SYTL3: variants seen among roughly 807,000 people sequenced by gnomAD.
SYTL3 encodes the protein synaptotagmin like 3.
In SYTL3, 88 loss-of-function variants were observed where a neutral mutation model predicts 82.1. The ratio of observed to expected loss-of-function variants is 1.07; its 90% CI spans 0.90 to 1.28. The LOEUF (loss-of-function observed/expected upper bound fraction) is 1.28. SYTL3 is among the 50% of genes most tolerant of loss of function. SYTL3 has a pLI of 0.00. For synonymous variants in SYTL3, 311 were observed against 289.4 expected (o/e 1.07, Z -0.76); for missense variants, 831 against 757.6 (o/e 1.10, Z -1.14).
chr6:158,699,567 A>G (rs1780937710), intron 6 of SYTL3, among the ~76,000 whole-genome samples: 2 of 152,032 alleles, frequency 1.3e-5, no homozygotes, highest in Non-Finnish European at 2.9e-5. Context: ...GCCTCAATCT[A>G]TAGTTTGTGT....
upstream of SYTL3, among the ~76,000 whole-genome samples, chr6:158,646,874 T>C (rs1787509918): frequency 2.6e-5 from 4 of 152,176 alleles, no homozygotes; most frequent in Admixed American, 2.6e-4. Flanking sequence ...TTTTGGATGT[T>C]CTCTGCCTAC....
chr6:158,697,582 A>T (rs1180140430), intron 6 of SYTL3, among the ~76,000 whole-genome samples: 1 of 152,228 alleles, frequency 6.6e-6, no homozygotes, highest in African/African-American at 2.4e-5. Context: ...GCATCAAAGG[A>T]CACTATTAAC....
chr6:158,718,109 TA>T lies in SYTL3; in HGVS notation c.619del (p.Met207Ter), dbSNP rs1187960723. 6.5e-7 allele frequency: 1 copy of T among 1,544,302 alleles called. No homozygotes were observed. Among genetic ancestry groups the T allele is most frequent in the Non-Finnish European group, 8.7e-7 (1 of 1,144,210 alleles). On this transcript the variant is annotated frameshift_variant, in exon 10 of 18. Transcript: ENST00000611299. LOFTEE classifies it high-confidence loss of function. ...TAGAGCTCTCCAAATCCCAGAATGA[TA>T]TGACTTCTGAGAAGCATCTTCTCGC... The part of the protein sequence containing the change: ...VKKLSKSQND[M>X]TSEKHLLATG...
At position 158,690,152 on chromosome 6, in the gene SYTL3, C is replaced by T. The variant is rs1380174580; in HGVS notation, c.394+7163C>T. ...CTGTCTCATAGAGGACACACGGTGCCCTCTCCTTCACCTGCAACTCTTGGC... is the reference window on the plus strand; with the variant it reads ...CTGTCTCATAGAGGACACACGGTGCTCTCTCCTTCACCTGCAACTCTTGGC... On this transcript the variant is annotated intron_variant, in intron 6 of 17. Transcript: ENST00000611299. 5.9e-5 allele frequency among the ~76,000 whole-genome samples: 9 copies of T among 152,348 alleles called. 2 individuals are homozygous for T. Among genetic ancestry groups the T allele is most frequent in the Admixed American group, 5.2e-4 (8 of 15,300 alleles).
intron 12 of SYTL3, among the ~76,000 whole-genome samples, chr6:158,746,527 G>A (rs1411802496): frequency 3.3e-5 from 5 of 149,532 alleles, no homozygotes; most frequent in East Asian, 1.9e-4. Flanking sequence ...GTGCGGTGGC[G>A]CAATCTCGGC....
At chr6:158,718,677 A>G (rs1203073814) in intron 10 of SYTL3, among the ~76,000 whole-genome samples, 5 of 152,376 alleles carry the variant, frequency 3.3e-5, no homozygotes, top group East Asian at 1.9e-4. Context: ...CCACACCACA[A>G]GTGAGAGCTC....
chr6:158,742,912 G>T (rs17513241), intron 11 of SYTL3, among the ~76,000 whole-genome samples: 7 of 151,828 alleles, frequency 4.6e-5, no homozygotes, highest in African/African-American at 7.3e-5. Flanking sequence ...TAAGCTTCTC[G>T]GCCCCTCAGC....
intron 11 of SYTL3, 59 bp downstream of exon 11, chr6:158,725,696 A>G (rs1370394275): frequency 2.5e-6 from 4 of 1,588,072 alleles, no homozygotes; most frequent in Non-Finnish European, 3.4e-6. Context: ...TTTGGAAAGC[A>G]TAATGTACAA....
At chr6:158,756,718 AATTTTTTTT>A (rs1789136643) in intron 13 of SYTL3, among the ~76,000 whole-genome samples, 1 of 47,396 alleles carries the variant, frequency 2.1e-5, no homozygotes, top group Admixed American at 4.2e-4. Context: ...CTCAAAAAAA[AATTTTTTTT>A]TTTTTTTTTT....
chr6:158,701,021 G>A (rs557344289), intron 6 of SYTL3, among the ~76,000 whole-genome samples: 3 of 152,366 alleles, frequency 2.0e-5, no homozygotes, highest in African/African-American at 7.2e-5. Context: ...GGGAGAGACA[G>A]ATGCATATTG....
intron 12 of SYTL3, among the ~76,000 whole-genome samples, chr6:158,746,022 G>T (rs1787596354): frequency 3.3e-5 from 5 of 152,152 alleles, no homozygotes; most frequent in Admixed American, 3.3e-4. Context: ...GAAGCTCAAG[G>T]TGCTGGTAGA....
intron 6 of SYTL3, among the ~76,000 whole-genome samples, chr6:158,706,704 T>C (rs1782140906): frequency 6.6e-6 from 1 of 152,198 alleles, no homozygotes; most frequent in Non-Finnish European, 1.5e-5. Context: ...AAACCTCTTT[T>C]CTTGAAACAA....
chr6:158,675,892 A>G lies in SYTL3; in HGVS notation c.330-7033A>G, dbSNP rs142234204. Among the ~76,000 whole-genome samples the G allele has an allele frequency of 5.2e-3, 795 of 152,212 alleles. 11 individuals are homozygous for G. Among genetic ancestry groups the G allele is most frequent in the African/African-American group, 0.018 (745 of 41,522 alleles). On this transcript the variant is annotated intron_variant, in intron 5 of 17. Transcript: ENST00000611299. ...GTGAACCCGGGAGGCGGAGCTTGCA[A>G]TGAGCCAAGATGGCACCACTGCACC... is the stretch of plus-strand genomic sequence containing the variant.
chr6:158,720,264 C>A (rs1454930644), intron 10 of SYTL3, among the ~76,000 whole-genome samples: 1 of 151,856 alleles, frequency 6.6e-6, no homozygotes, highest in Admixed American at 6.6e-5. Context: ...TAGCCAGGCT[C>A]ATGGCGGGTG....
chr6:158,667,096 T>G (rs1418089219), intron 5 of SYTL3, among the ~76,000 whole-genome samples: 1 of 152,238 alleles, frequency 6.6e-6, no homozygotes, highest in Non-Finnish European at 1.5e-5. Context: ...ACCATATATA[T>G]TTGAAGTCTA....
chr6:158,727,708 A>C (rs1298350033), intron 11 of SYTL3, among the ~76,000 whole-genome samples: 2 of 24,110 alleles, frequency 8.3e-5, no homozygotes. Flanking sequence ...TTTTGAGATG[A>C]AGTCTCCCTC....
rs556606396 is a variant in SYTL3, at chr6:158,727,040, C to T, written c.855+1403C>T. Among the ~76,000 whole-genome samples the T allele has an allele frequency of 1.4e-4, 21 of 151,584 alleles. No homozygotes were observed. In the East Asian group the frequency reaches 2.3e-3, roughly 17 times the overall value. The stretch of plus-strand genomic sequence containing the variant: ...AATTTTTTTGTATTTTTAGTAGAGA[C>T]GGGGTTTCACCATGTTAGCCAGGAT... On this transcript the variant is annotated intron_variant, in intron 11 of 17. Transcript: ENST00000611299.
chr6:158,700,873 C>T (rs189931291), intron 6 of SYTL3, among the ~76,000 whole-genome samples: 4 of 152,316 alleles, frequency 2.6e-5, no homozygotes, highest in Admixed American at 2.6e-4. Flanking sequence ...TCCTTGGCCT[C>T]CCAAGGTGCT....
At chr6:158,691,390 T>C (rs772587850) in intron 6 of SYTL3, among the ~76,000 whole-genome samples, 1 of 151,840 alleles carries the variant, frequency 6.6e-6, no homozygotes, top group South Asian at 2.1e-4. Flanking sequence ...CCCAAGTAAC[T>C]TTTTTAATGT....
Sources: allele counts gnomAD v4.1 joint callset (sites outside exome capture counted in the v4.1 genomes callset), GRCh38; gene constraint gnomAD v4.1.1; transcripts MANE v1.5; gene names NCBI Gene and HGNC (gene_info 2026-07-23, HGNC 2026-07-21).